Variants in PLD1 observed in about 807,000 individuals in gnomAD.
PLD1 encodes choline phosphatase 1.
A neutral mutation model predicts 137.1 loss-of-function variants in PLD1; 112 were observed. The ratio of observed to expected loss-of-function variants is 0.82; its 90% CI spans 0.70 to 0.96. The LOEUF (loss-of-function observed/expected upper bound fraction) is 0.96, where lower values mean the gene tolerates loss of function less well. Ranked by LOEUF, PLD1 falls within the 40% of genes least tolerant of loss-of-function variation. The pLI is 0.00. For missense variants in PLD1, 1,321 were observed against 1,342.0 expected, an observed-to-expected ratio of 0.98 and a Z score of 0.24; for synonymous variants, 431 against 454.7, an observed-to-expected ratio of 0.95 and a Z score of 0.66.
intron 1 of PLD1, among the ~76,000 whole-genome samples, chr3:171,796,864 T>C (rs1246032636): frequency 6.6e-6 from 1 of 152,196 alleles, no homozygotes; most frequent in African/African-American, 2.4e-5. Flanking sequence ...CTTCAGCCTA[T>C]CCTTGCTTCT....
At chr3:171,793,004 T>C (rs759951046) in intron 1 of PLD1, 3 of 285,292 alleles carry the variant, frequency 1.1e-5, no homozygotes, top group Admixed American at 1.1e-4. Context: ...GAGACTTGCA[T>C]TGAAGGTCCT....
Position 171,687,387 on chromosome 3 carries a change from G to A in PLD1, c.1737C>T (p.Ser579=), listed in dbSNP as rs762554568. Residue 579 remains serine, a synonymous_variant, in exon 15 of 27, where the codon AGC becomes AGT. Coordinates refer to ENST00000351298, the MANE Select transcript of PLD1 (RefSeq NM_002662.5). ...HHLHDADSIS[S]IDSTSSYFNH... is the part of the protein sequence containing the mutation. ...ATGACTTACTGGAGGTGCTGTCAAT[G>A]CTGCTGATGCTATCTGCGTCGTGCA... 1 of 1,614,076 alleles carries A rather than the reference G, an allele frequency of 6.2e-7. No homozygotes were observed. Among genetic ancestry groups the A allele is most frequent in the South Asian group, 1.1e-5 (1 of 91,086 alleles).
intron 1 of PLD1, among the ~76,000 whole-genome samples, chr3:171,779,897 CG>C (rs1324723727): frequency 6.7e-6 from 1 of 148,968 alleles, no homozygotes; most frequent in Admixed American, 6.7e-5. Flanking sequence ...GGTTTGTATA[CG>C]TAAGTCTGAG....
intron 25 of PLD1, among the ~76,000 whole-genome samples, chr3:171,607,372 T>C (rs1732296751): frequency 6.6e-6 from 1 of 151,734 alleles, no homozygotes; most frequent in African/African-American, 2.4e-5. Context: ...GCAGAAAGAG[T>C]TTTTCTGTAA....
chr3:171,667,193 A>G (rs548910719), intron 19 of PLD1, among the ~76,000 whole-genome samples: 1 of 152,226 alleles, frequency 6.6e-6, no homozygotes, highest in Non-Finnish European at 1.5e-5. Context: ...GCAGAGGCCA[A>G]CTGTGTAGAA....
chr3:171,671,000 C>T (rs888456531), intron 19 of PLD1, among the ~76,000 whole-genome samples: 1 of 152,142 alleles, frequency 6.6e-6, no homozygotes, highest in Admixed American at 6.5e-5. Context: ...AAAATTTTCC[C>T]TTTAAATGTC....
At chr3:171,683,581 G>A (rs1714231832) in intron 16 of PLD1, among the ~76,000 whole-genome samples, 1 of 152,126 alleles carries the variant, frequency 6.6e-6, no homozygotes, top group African/African-American at 2.4e-5. Flanking sequence ...GATGTCAGCT[G>A]AAAACTAACC....
intron 9 of PLD1, among the ~76,000 whole-genome samples, chr3:171,712,854 C>G (rs944336150): frequency 6.6e-6 from 1 of 152,166 alleles, no homozygotes; most frequent in Admixed American, 6.5e-5. Flanking sequence ...ATTATATTTC[C>G]AGTCACAATC....
intron 19 of PLD1, 126 bp downstream of exon 19, chr3:171,674,374 C>A: frequency 1.0e-5 from 5 of 482,578 alleles, no homozygotes; most frequent in South Asian, 4.0e-5. Flanking sequence ...TTAAAAGATC[C>A]ATTTAGTTTT....
intron 22 of PLD1, 108 bp from the exon 23 acceptor site, chr3:171,642,997 C>T: frequency 2.9e-6 from 2 of 683,386 alleles, no homozygotes; most frequent in Non-Finnish European, 5.2e-6. Context: ...ACAAGTGCTT[C>T]TATGAGAAGA....
At chr3:171,745,363 T>G (rs1437549812) in intron 1 of PLD1, among the ~76,000 whole-genome samples, 1 of 152,216 alleles carries the variant, frequency 6.6e-6, no homozygotes, top group African/African-American at 2.4e-5. Flanking sequence ...TTGTGAGTGG[T>G]GGGACTGGTC....
In PLD1 at chr3:171,644,996, G is replaced by A. The variant is rs1484934919; in HGVS notation, c.2457C>T (p.Val819=). ...CGAACCCTGGCAGAAGTGGTATCAC[G>A]ACATATACCCGGTATTTCTGGTTTT... ...HRENQKYRVY[V]VIPLLPGFEG... The change falls in exon 22 of 27, where the codon GTC becomes GTT. Residue 819 remains valine (V), a synonymous_variant. Coordinates refer to ENST00000351298, the MANE Select transcript of PLD1 (RefSeq NM_002662.5). 1.4e-5 allele frequency: 22 copies of A among 1,613,312 alleles called. No individual in the cohort carries two copies. The highest frequency in any genetic ancestry group is 1.8e-5 in the Non-Finnish European group (21 of 1,179,272).
intron 1 of PLD1, among the ~76,000 whole-genome samples, chr3:171,749,098 T>C (rs1041677089): frequency 2.0e-5 from 3 of 152,044 alleles, no homozygotes; most frequent in Non-Finnish European, 2.9e-5. Flanking sequence ...TTAGGTAAAT[T>C]GTAATTGTTT....
chr3:171,741,237 A>C (rs2108271803), intron 1 of PLD1, among the ~76,000 whole-genome samples: 1 of 152,344 alleles, frequency 6.6e-6, no homozygotes, highest in Non-Finnish European at 1.5e-5. Flanking sequence ...AGACTTGTTC[A>C]TGCTTTTGTA....
chr3:171,803,647 C>T (rs1485264286), intron 1 of PLD1, among the ~76,000 whole-genome samples: 4 of 152,134 alleles, frequency 2.6e-5, no homozygotes, highest in Admixed American at 1.3e-4. Context: ...GCAGGAGAAT[C>T]GCTTGGACCT....
intron 8 of PLD1, among the ~76,000 whole-genome samples, chr3:171,715,682 T>C (rs537061778): frequency 2.6e-5 from 4 of 152,288 alleles, no homozygotes; most frequent in African/African-American, 9.6e-5. Context: ...TGGGCTTTTA[T>C]TGAAAGCTCT....
intron 1 of PLD1, among the ~76,000 whole-genome samples, chr3:171,764,590 A>G (rs1721676672): frequency 1.3e-5 from 2 of 151,986 alleles, no homozygotes; most frequent in South Asian, 2.1e-4. Flanking sequence ...TAGACACTCC[A>G]GAGGCCAAAA....
intron 10 of PLD1, 38 bp from the exon 11 acceptor site, chr3:171,708,876 A>C (rs1716916033): frequency 1.6e-6 from 2 of 1,245,318 alleles, no homozygotes; most frequent in Non-Finnish European, 2.3e-6. Context: ...TGTTATTAAA[A>C]AAGAAAAGAA....
chr3:171,693,509 T>C (rs920330807), intron 12 of PLD1, among the ~76,000 whole-genome samples: 59 of 152,140 alleles, frequency 3.9e-4, no homozygotes, highest in African/African-American at 1.3e-3. Flanking sequence ...TCAGAATGTA[T>C]TACCTCCAGG....
Sources: gnomAD v4.1 joint callset for allele counts (sites outside exome capture counted in the v4.1 genomes callset) on GRCh38, gnomAD v4.1.1 for gene constraint, MANE v1.5 for transcripts, NCBI Gene and HGNC (gene_info 2026-07-23, HGNC 2026-07-21) for gene names.